The following AGAP1 variants were observed in gnomAD, a reference collection of about 807,000 sequenced individuals.
AGAP1 encodes the protein ArfGAP with GTPase domain, ankyrin repeat and PH domain 1.
A neutral mutation model predicts 105.3 loss-of-function variants in AGAP1; 29 were observed. The ratio of observed to expected loss-of-function variants is 0.28; its 90% confidence interval spans 0.21 to 0.38. The LOEUF (loss-of-function observed/expected upper bound fraction) is 0.38, where lower values mean the gene tolerates loss of function less well. Ranked by LOEUF, AGAP1 falls within the 10% of genes least tolerant of loss-of-function variation. The probability of loss-of-function intolerance (pLI) is 1.00; values close to 1 mark genes in which losing one functional copy is unlikely to be tolerated. For synonymous variants in AGAP1, 509 were observed against 485.9 expected (o/e 1.05, Z -0.63); for missense variants, 998 against 1,165.1 (o/e 0.86, Z 2.09).
In AGAP1 at chr2:235,721,158, C is replaced by G. The variant is rs1436730182; in HGVS notation, c.310+3514C>G. ...GAGTAGCTGGGATTACAGGCACCCCCCACCGCGCCCGGATAATTTTTGTAT... is the reference window on the plus strand; with the variant it reads ...GAGTAGCTGGGATTACAGGCACCCCGCACCGCGCCCGGATAATTTTTGTAT... On this transcript the variant is annotated intron_variant, in intron 3 of 17. Transcript: ENST00000304032. The surrounding 1 kb of genome is among the most constrained non-coding windows in gnomAD (Gnocchi z 4.5). Among the ~76,000 whole-genome samples the G allele has an allele frequency of 2.0e-5, 3 of 152,094 alleles. No individual in the cohort carries two copies. Among genetic ancestry groups the G allele is most frequent in the Non-Finnish European group, 2.9e-5 (2 of 68,020 alleles).
intron 1 of AGAP1, among the ~76,000 whole-genome samples, chr2:235,686,482 G>C (rs1251244321): frequency 6.6e-6 from 1 of 150,468 alleles, no homozygotes; most frequent in Non-Finnish European, 1.5e-5. Context: ...ACCTAGGTAT[G>C]AGTGTGAGCG....
rs773791261 is a variant in AGAP1, at chr2:235,872,972, G to A, written c.1051-10373G>A. Among the ~76,000 whole-genome samples the A allele has an allele frequency of 7.9e-5, 12 of 152,314 alleles. No homozygotes were observed. Among genetic ancestry groups the A allele is most frequent in the Non-Finnish European group, 1.0e-4 (7 of 68,018 alleles). ...GTCCCTGAAAGTCCCCACTGGCTCA[G>A]TGCAGCTCTGGAATTAGGAACCAGC... On this transcript the variant is annotated intron_variant, in intron 9 of 17. Coordinates refer to ENST00000304032, the MANE Select transcript of AGAP1 (RefSeq NM_001037131.3). The surrounding 1 kb of genome is among the most constrained non-coding windows in gnomAD (Gnocchi z 4.5).
chr2:235,852,810 A>G, intron 9 of AGAP1: 1 of 1,520,902 alleles, frequency 6.6e-7, no homozygotes, highest in Non-Finnish European at 8.8e-7. Context: ...CATTGTGCTG[A>G]AGGCCCACAA....
Position 236,014,395 on chromosome 2 carries a change from C to G in AGAP1, c.1646-22166C>G, listed in dbSNP as rs1475426726. The stretch of plus-strand genomic sequence containing the variant: ...AACCAGGGTCTCTTGATTTGACATG[C>G]TCCTAATATTTGGCCGAATCAAAGG... On this transcript the variant is annotated intron_variant, in intron 13 of 17. Transcript: ENST00000304032. This position sits in a 1 kb window ranked among gnomAD's most constrained non-coding sequence, Gnocchi z 6.3. 1.3e-5 allele frequency among the ~76,000 whole-genome samples: 2 copies of G among 152,208 alleles called. No individual in the cohort carries two copies. Among genetic ancestry groups the G allele is most frequent in the East Asian group, 3.9e-4 (2 of 5,194 alleles).
chr2:235,529,924 C>G (rs577881692), intron 1 of AGAP1, among the ~76,000 whole-genome samples: 1 of 152,152 alleles, frequency 6.6e-6, no homozygotes, highest in South Asian at 2.1e-4. Flanking sequence ...AACTACCTGT[C>G]CTCTGGAGAT....
Position 236,001,471 on chromosome 2 carries a change from C to G in AGAP1, c.1645+32848C>G, listed in dbSNP as rs535975782. 6.6e-6 allele frequency among the ~76,000 whole-genome samples: 1 copy of G among 152,274 alleles called. No individual in the cohort carries two copies. Among genetic ancestry groups the G allele is most frequent in the East Asian group, 1.9e-4 (1 of 5,168 alleles). ...TGAAAATTTCCCTCTGGCGGCTGGG[C>G]AGAGTGGGCTGCAGGGGCTGAAGTA... On this transcript the variant is annotated intron_variant, in intron 13 of 17. Coordinates refer to ENST00000304032, the MANE Select transcript of AGAP1 (RefSeq NM_001037131.3). This position sits in a 1 kb window ranked among gnomAD's most constrained non-coding sequence, Gnocchi z 4.7.
Position 235,866,975 on chromosome 2 carries a change from TA to T in AGAP1, c.1051-16369del, listed in dbSNP as rs2049200028. On this transcript the variant is annotated intron_variant, in intron 9 of 17. Coordinates refer to ENST00000304032, the MANE Select transcript of AGAP1 (RefSeq NM_001037131.3). The surrounding 1 kb of genome is among the most constrained non-coding windows in gnomAD (Gnocchi z 6.1). ...GGCGTTAGGATCTCAATATCTGAAT[TA>T]GGGAGTGGAGCACAATGCAGCCCAT... 6.6e-6 allele frequency among the ~76,000 whole-genome samples: 1 copy of T among 152,136 alleles called. No homozygotes were observed. The highest frequency in any genetic ancestry group is 2.4e-5 in the African/African-American group (1 of 41,412).
intron 16 of AGAP1, among the ~76,000 whole-genome samples, chr2:236,093,654 GC>G (rs2059120177): frequency 1.3e-5 from 2 of 152,158 alleles, no homozygotes; most frequent in African/African-American, 4.8e-5. Flanking sequence ...GAGAAATTCA[GC>G]CCTAGAACGT....
chr2:235,722,265 C>G (rs1257150803), intron 3 of AGAP1, among the ~76,000 whole-genome samples: 1 of 151,954 alleles, frequency 6.6e-6, no homozygotes, highest in Non-Finnish European at 1.5e-5. Context: ...TGTATTCTCA[C>G]AAGTCGGAAA....
At chr2:235,790,166 T>A (rs1258745838) in intron 6 of AGAP1, among the ~76,000 whole-genome samples, 1 of 151,714 alleles carries the variant, frequency 6.6e-6, no homozygotes, top group Admixed American at 6.6e-5. Flanking sequence ...CCTTGTGGGG[T>A]CGCCGTGCTT....
At chr2:235,494,970 G>T in intron 1 of AGAP1, 121 bp downstream of exon 1, 1 of 966,048 alleles carries the variant, frequency 1.0e-6, no homozygotes, top group Non-Finnish European at 1.4e-6. Context: ...CTGCTCCGCC[G>T]AGGGAGCACT....
intron 11 of AGAP1, among the ~76,000 whole-genome samples, chr2:235,917,201 G>A (rs1054045401): frequency 3.3e-5 from 5 of 151,822 alleles, no homozygotes; most frequent in African/African-American, 7.3e-5. Context: ...CAGCGGTTTC[G>A]AAATATTAAA....
rs530920937 is a variant in AGAP1, at chr2:235,582,651, C to T, written c.163+87802C>T. ...TTAAAAGTGTTTTACAACAAAAGCA[C>T]GGAGTGTACTTCAGAAGGAAGGATT... is the stretch of plus-strand genomic sequence containing the variant. On this transcript the variant is annotated intron_variant, in intron 1 of 17. Coordinates refer to ENST00000304032, the MANE Select transcript of AGAP1 (RefSeq NM_001037131.3). The surrounding 1 kb of genome is among the most constrained non-coding windows in gnomAD (Gnocchi z 4.7). Among the ~76,000 whole-genome samples the T allele has an allele frequency of 3.9e-5, 6 of 152,304 alleles. No individual in the cohort carries two copies. The highest frequency in any genetic ancestry group is 7.2e-5 in the African/African-American group (3 of 41,564).
chr2:235,540,387 A>G (rs1250872894), intron 1 of AGAP1, among the ~76,000 whole-genome samples: 1 of 152,160 alleles, frequency 6.6e-6, no homozygotes, highest in African/African-American at 2.4e-5. Flanking sequence ...TCCTGATCTC[A>G]GGTGATCCAA....
rs1459471828 is a variant in AGAP1 at position 235,689,861 on chromosome 2, C to T, written c.164-19318C>T. On this transcript the variant is annotated intron_variant, in intron 1 of 17. Transcript: ENST00000304032. This position sits in a 1 kb window ranked among gnomAD's most constrained non-coding sequence, Gnocchi z 4.2. ...GCATCTGGGGTGGTGTCCTACACCT[C>T]CTTTCCAGGAGTTTCTGTGTGCATG... 2.0e-5 allele frequency among the ~76,000 whole-genome samples: 3 copies of T among 152,152 alleles called. No individual in the cohort carries two copies. The highest frequency in any genetic ancestry group is 4.4e-5 in the Non-Finnish European group (3 of 68,024).
chr2:235,791,303 G>A (rs1310996062), intron 6 of AGAP1, among the ~76,000 whole-genome samples: 5 of 152,190 alleles, frequency 3.3e-5, no homozygotes, highest in African/African-American at 1.2e-4. Context: ...TGAGACGTTA[G>A]GGGATCTTTT....
intron 10 of AGAP1, among the ~76,000 whole-genome samples, chr2:235,884,488 T>C (rs574789343): frequency 8.7e-5 from 13 of 149,608 alleles, no homozygotes; most frequent in African/African-American, 2.7e-4. Flanking sequence ...TCTCACTCTG[T>C]CTCCCAGGCT....
In AGAP1 at chr2:235,853,883, G is replaced by A. The variant is rs567469846; in HGVS notation, c.1051-29462G>A. Among the ~76,000 whole-genome samples, 6 of 151,970 alleles carry A rather than the reference G, an allele frequency of 3.9e-5. 1 individual carries two copies. In the South Asian group the frequency reaches 8.3e-4, roughly 21 times the overall value. On this transcript the variant is annotated intron_variant, in intron 9 of 17. Coordinates refer to ENST00000304032, the MANE Select transcript of AGAP1 (RefSeq NM_001037131.3). ...TAACTTGGGAAGTACTGTTACTAGCGACAGTCCCTAGTCATTCATTGCAGA... is the reference window on the plus strand; with the variant it reads ...TAACTTGGGAAGTACTGTTACTAGCAACAGTCCCTAGTCATTCATTGCAGA...
At position 235,740,922 on chromosome 2, in the gene AGAP1, CTGT is replaced by C. The variant is rs751385813; in HGVS notation, c.311-36_311-34del. ...CACGTCTGTCTGCCCTCCTCACTCT[CTGT>C]TGTTCTCGTGTAACGAGATGTTTTG... On this transcript the variant is annotated intron_variant, in intron 3 of 17. Coordinates refer to ENST00000304032, the MANE Select transcript of AGAP1 (RefSeq NM_001037131.3). The surrounding 1 kb of genome is among the most constrained non-coding windows in gnomAD (Gnocchi z 5.7). 17 of 1,613,478 alleles carry C rather than the reference CTGT, an allele frequency of 1.1e-5. No homozygotes were observed. The highest frequency in any genetic ancestry group is 1.0e-4 in the Admixed American group (6 of 60,002).
Sources: gnomAD v4.1 joint callset for allele counts (sites outside exome capture counted in the v4.1 genomes callset) on GRCh38, gnomAD v4.1.1 for gene constraint, Gnocchi (gnomAD v3.1) non-coding constraint, MANE v1.5 for transcripts, NCBI Gene and HGNC (gene_info 2026-07-23, HGNC 2026-07-21) for gene names.